ZFYVE28: variants seen among roughly 807,000 people sequenced by gnomAD.
The protein encoded by ZFYVE28 is zinc finger FYVE-type containing 28.
A neutral mutation model predicts 82.1 loss-of-function variants in ZFYVE28; 40 were observed. The ratio of observed to expected loss-of-function variants is 0.49; its 90% CI spans 0.38 to 0.63. ZFYVE28 has a LOEUF of 0.63. Among genes scored for constraint, ZFYVE28 ranks in the 30% least tolerant of loss-of-function variants. The pLI is 0.00. For synonymous variants in ZFYVE28, 612 were observed against 546.1 expected, an observed-to-expected ratio of 1.12 and a Z score of -1.68; for missense variants, 1,321 against 1,242.1, an observed-to-expected ratio of 1.06 and a Z score of -0.96.
chr4:2,279,645 G>A (rs1219422433), intron 8 of ZFYVE28, among the ~76,000 whole-genome samples: 2 of 151,990 alleles, frequency 1.3e-5, no homozygotes, highest in Admixed American at 6.6e-5. Flanking sequence ...GCCAGGCATG[G>A]TGGCGGGCGC....
intron 8 of ZFYVE28, among the ~76,000 whole-genome samples, chr4:2,280,747 G>A (rs73797466): frequency 0.036 from 5,441 of 152,262 alleles, 164 homozygotes; most frequent in South Asian, 0.081. Flanking sequence ...TGGCACCCTC[G>A]GGCCCTGCCT....
intron 10 of ZFYVE28, 106 bp downstream of exon 10, chr4:2,273,067 C>G (rs1197808339): frequency 4.3e-6 from 4 of 925,004 alleles, no homozygotes; most frequent in Non-Finnish European, 6.7e-6. Flanking sequence ...GGTCGGGACC[C>G]TATCTCCCCA....
intron 1 of ZFYVE28, among the ~76,000 whole-genome samples, chr4:2,392,742 A>G (rs1304378152): frequency 6.6e-6 from 1 of 152,202 alleles, no homozygotes; most frequent in Non-Finnish European, 1.5e-5. Flanking sequence ...AGGAAAAGTT[A>G]TCAAAGGAAA....
chr4:2,362,791 C>A lies in ZFYVE28; in HGVS notation c.40-8718G>T, dbSNP rs1726339168. ...CCCATCCATCTGTCCCCTTTCTCTG[C>A]CCTCCTCTGGGGTCAGGGAGCTGCA... is the stretch of plus-strand genomic sequence containing the variant. On this transcript the variant is annotated intron_variant, in intron 1 of 12. Coordinates refer to ENST00000290974, the MANE Select transcript of ZFYVE28 (RefSeq NM_020972.3). The surrounding 1 kb of genome is among the most constrained non-coding windows in gnomAD (Gnocchi z 5.1). Among the ~76,000 whole-genome samples, 1 of 152,152 alleles carries A rather than the reference C, an allele frequency of 6.6e-6. No individual in the cohort carries two copies. The highest frequency in any genetic ancestry group is 1.5e-5 in the Non-Finnish European group (1 of 68,014).
chr4:2,271,591 C>T lies in ZFYVE28; in HGVS notation c.2428+84G>A, dbSNP rs1735913956. On this transcript the variant is annotated intron_variant, in intron 11 of 12. Transcript: ENST00000290974. Reference sequence around the variant, plus strand: ...GCCCGGACAGGGTGGCCTGCAGCCCCTCCCCCAGGAGGAAGGCTCCTGTGG... The same window carrying T: ...GCCCGGACAGGGTGGCCTGCAGCCCTTCCCCCAGGAGGAAGGCTCCTGTGG... The T allele has an allele frequency of 6.6e-6, 10 of 1,504,464 alleles. No homozygotes were observed. In the Admixed American group the frequency reaches 1.4e-4, roughly 20 times the overall value. 93.2% of individuals were successfully genotyped at this position (1,504,464 alleles called of 1,614,324 possible). A position where few individuals can be genotyped will look rare whatever the true frequency, so the allele number is the denominator to read the frequency against.
chr4:2,378,338 C>T (rs552832210), intron 1 of ZFYVE28, among the ~76,000 whole-genome samples: 11 of 152,282 alleles, frequency 7.2e-5, no homozygotes, highest in African/African-American at 2.6e-4. Context: ...AAGACCCTGT[C>T]TCAAAAAAAT....
chr4:2,400,972 A>AGGATTCAGCTATT (rs1298968323), intron 1 of ZFYVE28, among the ~76,000 whole-genome samples: 2 of 152,250 alleles, frequency 1.3e-5, no homozygotes, highest in African/African-American at 4.8e-5. Flanking sequence ...CTAGACCAAC[A>AGGATTCAGCTATT]GGATTCAGCT....
At chr4:2,405,223 T>C (rs923536779) in intron 1 of ZFYVE28, among the ~76,000 whole-genome samples, 2 of 152,144 alleles carry the variant, frequency 1.3e-5, no homozygotes, top group African/African-American at 2.4e-5. Context: ...AGAAGCCATG[T>C]GTCTTCCCCA....
intron 10 of ZFYVE28, among the ~76,000 whole-genome samples, chr4:2,272,859 CA>C (rs1736035771): frequency 6.6e-6 from 1 of 152,246 alleles, no homozygotes; most frequent in African/African-American, 2.4e-5. Flanking sequence ...ATGCAGGGGA[CA>C]GAAGCCGGGG....
chr4:2,370,220 C>T (rs1379469554), intron 1 of ZFYVE28, among the ~76,000 whole-genome samples: 4 of 152,154 alleles, frequency 2.6e-5, no homozygotes, highest in African/African-American at 9.7e-5. Flanking sequence ...AGATGCCCCT[C>T]TCCCACAGCA....
intron 6 of ZFYVE28, among the ~76,000 whole-genome samples, chr4:2,323,757 T>C (rs1433601855): frequency 3.6e-5 from 5 of 138,816 alleles, no homozygotes; most frequent in African/African-American, 5.4e-5. Flanking sequence ...TGTGATCTCA[T>C]TGTTCAATTC....
At chr4:2,281,003 C>T (rs1281859438) in intron 8 of ZFYVE28, among the ~76,000 whole-genome samples, 1 of 152,174 alleles carries the variant, frequency 6.6e-6, no homozygotes, top group Non-Finnish European at 1.5e-5. Flanking sequence ...CAAGGCTGGC[C>T]GATTGCCCAC....
At chr4:2,275,325 G>C (rs553681561) in intron 8 of ZFYVE28, among the ~76,000 whole-genome samples, 2 of 152,242 alleles carry the variant, frequency 1.3e-5, no homozygotes, top group Admixed American at 1.3e-4. Flanking sequence ...CCAACTCTAG[G>C]GGTGCACCCA....
intron 6 of ZFYVE28, among the ~76,000 whole-genome samples, chr4:2,329,959 C>A (rs1362962949): frequency 6.6e-6 from 1 of 152,196 alleles, no homozygotes; most frequent in Non-Finnish European, 1.5e-5. Flanking sequence ...CACACTATGA[C>A]ATGACAGGCA....
intron 1 of ZFYVE28, among the ~76,000 whole-genome samples, chr4:2,406,193 GA>G (rs1450707830): frequency 6.6e-6 from 1 of 151,884 alleles, no homozygotes; most frequent in African/African-American, 2.4e-5. Context: ...CCAACATGAT[GA>G]AACCCCATCT....
chr4:2,288,919 T>C (rs569588872), intron 8 of ZFYVE28, among the ~76,000 whole-genome samples: 2 of 152,272 alleles, frequency 1.3e-5, no homozygotes, highest in South Asian at 2.1e-4. Flanking sequence ...TGAGCCATGA[T>C]TGCACCACTG....
intron 8 of ZFYVE28, among the ~76,000 whole-genome samples, chr4:2,290,108 C>A (rs373549855): frequency 1.3e-5 from 2 of 152,184 alleles, no homozygotes; most frequent in Admixed American, 1.3e-4. Context: ...CAGAGCCACC[C>A]CCCGGTCACC....
chr4:2,376,724 T>A (rs1728182207), intron 1 of ZFYVE28, among the ~76,000 whole-genome samples: 1 of 152,124 alleles, frequency 6.6e-6, no homozygotes, highest in Non-Finnish European at 1.5e-5. Flanking sequence ...ATGTGGGGAT[T>A]ATGGGATTAC....
intron 6 of ZFYVE28, among the ~76,000 whole-genome samples, chr4:2,324,264 T>A (rs752432590): frequency 1.6e-4 from 25 of 152,182 alleles, no homozygotes; most frequent in Admixed American, 3.3e-4. Context: ...GGGCCTTCCA[T>A]TAATTGGATG....
Sources: allele counts gnomAD v4.1 joint callset (sites outside exome capture counted in the v4.1 genomes callset), GRCh38; gene constraint gnomAD v4.1.1; non-coding constraint Gnocchi (gnomAD v3.1); transcripts MANE v1.5; gene names NCBI Gene and HGNC (gene_info 2026-07-23, HGNC 2026-07-21).